Variants in PTPRD observed in about 807,000 individuals in gnomAD.
PTPRD encodes the protein receptor-type tyrosine-protein phosphatase delta.
Under a neutral mutation model 214.5 loss-of-function variants are expected in PTPRD, and 34 were observed. The observed-to-expected ratio is 0.16, with a 90% CI of 0.12 to 0.21. The LOEUF is 0.21. PTPRD is among the 10% of genes least tolerant of loss of function. PTPRD has a pLI of 1.00. For missense variants in PTPRD, 2,545 were observed against 2,398.7 expected, an observed-to-expected ratio of 1.06 and a Z score of -1.27; for synonymous variants, 1,128 against 845.7, an observed-to-expected ratio of 1.33 and a Z score of -5.79.
chr9:8,710,172 T>C lies in PTPRD; in HGVS notation c.64+23608A>G, dbSNP rs141958005. ...ATATTAGAAGCTTTTTTCCTGGCAATAGTGGACCATATATGCTCCTGGTAA... is the reference window on the plus strand; with the variant it reads ...ATATTAGAAGCTTTTTTCCTGGCAACAGTGGACCATATATGCTCCTGGTAA... On this transcript the variant is annotated intron_variant, in intron 12 of 45. Coordinates refer to ENST00000381196, the MANE Select transcript of PTPRD (RefSeq NM_002839.4). Among the ~76,000 whole-genome samples the C allele has an allele frequency of 3.6e-3, 551 of 152,286 alleles. 1 individual carries two copies. The highest frequency in any genetic ancestry group is 0.013 in the African/African-American group (535 of 41,564).
intron 34 of PTPRD, chr9:8,437,322 T>A: frequency 1.7e-6 from 2 of 1,144,164 alleles, no homozygotes; most frequent in Middle Eastern, 2.6e-4. Flanking sequence ...TGATATATTT[T>A]TTAAAAGGAC....
At chr9:9,347,707 T>G (rs1243144870) in intron 9 of PTPRD, among the ~76,000 whole-genome samples, 1 of 152,148 alleles carries the variant, frequency 6.6e-6, no homozygotes, top group Non-Finnish European at 1.5e-5. Flanking sequence ...TCATGGTACA[T>G]CTACATTCCA....
chr9:8,647,348 C>A (rs1397223168), intron 12 of PTPRD, among the ~76,000 whole-genome samples: 5 of 152,072 alleles, frequency 3.3e-5, no homozygotes, highest in African/African-American at 9.7e-5. Context: ...ATGGTGATCA[C>A]CTTGATGAAT....
intron 12 of PTPRD, among the ~76,000 whole-genome samples, chr9:8,725,579 T>C (rs1167175035): frequency 1.3e-5 from 2 of 152,206 alleles, no homozygotes; most frequent in Non-Finnish European, 2.9e-5. Context: ...ACAAAGATGC[T>C]TCTAATTTGG....
chr9:9,839,588 G>A (rs1488153933), intron 5 of PTPRD, among the ~76,000 whole-genome samples: 1 of 152,114 alleles, frequency 6.6e-6, no homozygotes, highest in Non-Finnish European at 1.5e-5. Context: ...CCATGTTCAT[G>A]GGTAGGAAGA....
At position 8,340,422 on chromosome 9, in the gene PTPRD, G is replaced by C. The variant is rs376310467; in HGVS notation, c.5174C>G (p.Thr1725Ser). 7 of 1,609,310 alleles carry C rather than the reference G, an allele frequency of 4.3e-6. No homozygotes were observed. Among genetic ancestry groups the C allele is most frequent in the African/African-American group, 1.3e-5 (1 of 74,822 alleles). Residue 1725 changes from threonine (T) to serine (S), a missense_variant, in exon 42 of 46, where the codon ACT (threonine) becomes AGT (serine). Thr to Ser is a moderately conservative substitution (Grantham distance 58). Coordinates refer to ENST00000381196, the MANE Select transcript of PTPRD (RefSeq NM_002839.4). ...CCAGAGCATCCGCCAGAAGTCTTCA[G>C]TGGTCTCTGCCAAGGGCCCCTGGGT... ...IATQGPLAET[T>S]EDFWRMLWEH... is the part of the protein sequence containing the mutation.
intron 11 of PTPRD, among the ~76,000 whole-genome samples, chr9:8,824,342 C>G (rs2097134682): frequency 6.6e-6 from 1 of 152,060 alleles, no homozygotes; most frequent in South Asian, 2.1e-4. Context: ...GGACAAAGAT[C>G]TATTTTTTGT....
intron 11 of PTPRD, among the ~76,000 whole-genome samples, chr9:8,810,452 T>C (rs931350803): frequency 6.6e-6 from 1 of 152,134 alleles, no homozygotes; most frequent in African/African-American, 2.4e-5. Context: ...AGTGGATATT[T>C]TGAAGAAAGA....
At chr9:9,623,140 A>G (rs2095305192) in intron 7 of PTPRD, among the ~76,000 whole-genome samples, 1 of 152,192 alleles carries the variant, frequency 6.6e-6, no homozygotes, top group Admixed American at 6.5e-5. Flanking sequence ...CAATTTACCA[A>G]CTTACTTTCA....
chr9:9,126,490 G>A (rs1241956997), intron 10 of PTPRD, among the ~76,000 whole-genome samples: 1 of 152,058 alleles, frequency 6.6e-6, no homozygotes, highest in Non-Finnish European at 1.5e-5. Flanking sequence ...ATATAAACAA[G>A]ATTAAAATTT....
intron 11 of PTPRD, among the ~76,000 whole-genome samples, chr9:8,979,525 CTT>C (rs2099294714): frequency 6.6e-6 from 1 of 152,018 alleles, no homozygotes; most frequent in Non-Finnish European, 1.5e-5. Flanking sequence ...ATAAAGAACT[CTT>C]ACAATGCAAT....
chr9:8,340,597 T>C, intron 41 of PTPRD, 128 bp from the exon 42 acceptor site: 1 of 915,120 alleles, frequency 1.1e-6, no homozygotes, highest in East Asian at 2.7e-5. Context: ...TTGAGGTAAA[T>C]TCCTGCTAAG....
intron 7 of PTPRD, among the ~76,000 whole-genome samples, chr9:9,723,625 A>G (rs1456145392): frequency 6.6e-6 from 1 of 152,098 alleles, no homozygotes; most frequent in African/African-American, 2.4e-5. Flanking sequence ...GAATACTGCC[A>G]TCTTAACAAT....
chr9:10,190,814 G>C (rs1342128317), intron 3 of PTPRD, among the ~76,000 whole-genome samples: 1 of 150,764 alleles, frequency 6.6e-6, no homozygotes, highest in East Asian at 2.0e-4. Context: ...TGAGGTTTAT[G>C]AGTCTAGCAA....
intron 4 of PTPRD, among the ~76,000 whole-genome samples, chr9:9,945,709 C>A (rs2092448237): frequency 6.6e-6 from 1 of 152,082 alleles, no homozygotes; most frequent in Admixed American, 6.6e-5. Context: ...AGAGTACCTA[C>A]ATATATTATT....
intron 5 of PTPRD, among the ~76,000 whole-genome samples, chr9:9,868,222 A>G (rs1600299881): frequency 6.6e-6 from 1 of 152,182 alleles, no homozygotes; most frequent in Non-Finnish European, 1.5e-5. Context: ...AGAAAGATCA[A>G]AGATAATCAT....
intron 3 of PTPRD, among the ~76,000 whole-genome samples, chr9:10,169,008 G>A (rs1485673031): frequency 1.3e-5 from 2 of 151,996 alleles, no homozygotes; most frequent in South Asian, 2.1e-4. Flanking sequence ...TAACTTCTGG[G>A]AAATAATTCA....
chr9:8,338,424 A>G (rs1849075032), intron 43 of PTPRD, among the ~76,000 whole-genome samples: 1 of 152,138 alleles, frequency 6.6e-6, no homozygotes, highest in Non-Finnish European at 1.5e-5. Context: ...CCATGCCAGG[A>G]ATCAAATTAG....
intron 9 of PTPRD, among the ~76,000 whole-genome samples, chr9:9,183,861 G>A (rs1219534958): frequency 6.6e-6 from 1 of 151,904 alleles, no homozygotes; most frequent in Non-Finnish European, 1.5e-5. Flanking sequence ...GGACGAATTA[G>A]CATGGAAAAT....
Sources: gnomAD v4.1 joint callset for allele counts (sites outside exome capture counted in the v4.1 genomes callset) on GRCh38, gnomAD v4.1.1 for gene constraint, MANE v1.5 for transcripts, NCBI Gene and HGNC (gene_info 2026-07-23, HGNC 2026-07-21) for gene names.